The following CDH13 variants were observed in gnomAD, a reference collection of about 807,000 sequenced individuals.
CDH13 encodes cadherin 13.
A neutral mutation model predicts 63.8 loss-of-function variants in CDH13; 24 were observed. The ratio of observed to expected loss-of-function variants is 0.38; its 90% CI spans 0.27 to 0.53. The LOEUF (loss-of-function observed/expected upper bound fraction) is 0.53. Ranked by LOEUF, CDH13 falls within the 20% of genes least tolerant of loss-of-function variation. The probability of loss-of-function intolerance (pLI) is 0.85; values close to 1 mark genes in which losing one functional copy is unlikely to be tolerated. For missense variants in CDH13, 1,049 were observed against 903.1 expected (o/e 1.16, Z -2.07); for synonymous variants, 503 against 355.3 (o/e 1.42, Z -4.67).
intron 5 of CDH13, among the ~76,000 whole-genome samples, chr16:83,260,978 A>G (rs1022469678): frequency 5.9e-5 from 9 of 151,890 alleles, no homozygotes; most frequent in African/African-American, 2.2e-4. Context: ...ACTGGTGGAG[A>G]TCTTTTTATG....
chr16:83,370,958 G>T (rs2091355683), intron 6 of CDH13, among the ~76,000 whole-genome samples: 1 of 152,120 alleles, frequency 6.6e-6, no homozygotes, highest in Admixed American at 6.5e-5. Context: ...AATCATTAGA[G>T]AAATGCAAAT....
intron 2 of CDH13, among the ~76,000 whole-genome samples, chr16:82,964,456 C>G (rs918697237): frequency 2.0e-5 from 3 of 152,194 alleles, no homozygotes; most frequent in Admixed American, 6.5e-5. Flanking sequence ...ATTAAACCTC[C>G]AGGGAGAAGT....
At chr16:82,857,143 A>G (rs985376711) in intron 1 of CDH13, among the ~76,000 whole-genome samples, 1 of 152,238 alleles carries the variant, frequency 6.6e-6, no homozygotes, top group African/African-American at 2.4e-5. Context: ...GGACACTTGA[A>G]CCTAGATTCA....
At chr16:83,129,564 C>G (rs2035958760) in intron 4 of CDH13, among the ~76,000 whole-genome samples, 1 of 152,170 alleles carries the variant, frequency 6.6e-6, no homozygotes, top group African/African-American at 2.4e-5. Context: ...AACACACTGT[C>G]AGCGTTACAC....
At chr16:83,227,658 G>C (rs575974882) in intron 5 of CDH13, among the ~76,000 whole-genome samples, 71 of 152,242 alleles carry the variant, frequency 4.7e-4, no homozygotes, top group African/African-American at 1.6e-3. Flanking sequence ...AAAACCCCCA[G>C]GTAAAAAGCA....
intron 6 of CDH13, among the ~76,000 whole-genome samples, chr16:83,420,246 A>T (rs10514573): frequency 6.6e-6 from 1 of 152,140 alleles, no homozygotes; most frequent in Non-Finnish European, 1.5e-5. Context: ...GTAATTAAAA[A>T]TATGACTGAG....
intron 10 of CDH13, chr16:83,710,041 C>A (rs1490968921): frequency 1.3e-5 from 2 of 152,220 alleles, no homozygotes; most frequent in African/African-American, 4.8e-5. Flanking sequence ...CCCCAGATGA[C>A]ATTTGTCAGT....
Position 83,578,168 on chromosome 16 carries a change from T to G in CDH13, c.961-24286T>G, listed in dbSNP as rs183695175. On this transcript the variant is annotated intron_variant, in intron 7 of 13. Coordinates refer to ENST00000567109, the MANE Select transcript of CDH13 (RefSeq NM_001257.5). ...TTCTTCTGCTCAGAGTATTATGAGT[T>G]TGTTTAAATGGTACCCGGGTGAAAA... is the stretch of plus-strand genomic sequence containing the variant. Among the ~76,000 whole-genome samples, 156 of 152,302 alleles carry G rather than the reference T, an allele frequency of 1.0e-3. 1 individual carries two copies. The highest frequency in any genetic ancestry group is 3.4e-3 in the African/African-American group (141 of 41,570).
intron 2 of CDH13, among the ~76,000 whole-genome samples, chr16:82,862,468 A>G (rs1029680936): frequency 6.6e-6 from 1 of 152,134 alleles, no homozygotes; most frequent in Admixed American, 6.5e-5. Context: ...CATACCCTTG[A>G]CCTCCAGCCT....
At chr16:83,184,089 AACACACACACACAC>A (rs10656475) in intron 4 of CDH13, among the ~76,000 whole-genome samples, 4 of 131,560 alleles carry the variant, frequency 3.0e-5, no homozygotes, top group African/African-American at 2.9e-5. Flanking sequence ...CTAGAGGTTA[AACACACACACACAC>A]ACACACACAC....
chr16:83,294,704 A>C (rs558966209), intron 5 of CDH13, among the ~76,000 whole-genome samples: 1 of 152,126 alleles, frequency 6.6e-6, no homozygotes, highest in African/African-American at 2.4e-5. Context: ...ACTGAAAACT[A>C]TAAAACACTG....
intron 1 of CDH13, among the ~76,000 whole-genome samples, chr16:82,650,329 G>A (rs1056425282): frequency 2.0e-5 from 3 of 152,176 alleles, no homozygotes; most frequent in African/African-American, 7.2e-5. Flanking sequence ...AGTGGCTGAG[G>A]AGCAAGGTAG....
intron 1 of CDH13, among the ~76,000 whole-genome samples, chr16:82,842,582 A>G (rs1429852522): frequency 6.6e-6 from 1 of 152,178 alleles, no homozygotes; most frequent in Non-Finnish European, 1.5e-5. Context: ...CTATGAGGTC[A>G]GAAGTCCCCA....
chr16:82,660,033 C>T (rs1241379957), intron 1 of CDH13, among the ~76,000 whole-genome samples: 1 of 152,080 alleles, frequency 6.6e-6, no homozygotes, highest in Non-Finnish European at 1.5e-5. Flanking sequence ...TGGAAATGAG[C>T]TAATTTGGAG....
At chr16:82,872,723 TC>T (rs1258216188) in intron 2 of CDH13, among the ~76,000 whole-genome samples, 1 of 152,202 alleles carries the variant, frequency 6.6e-6, no homozygotes, top group East Asian at 1.9e-4. Flanking sequence ...CCCAAGGACT[TC>T]TGCATTTGAC....
At chr16:82,989,934 A>G (rs1911446316) in intron 2 of CDH13, among the ~76,000 whole-genome samples, 1 of 142,996 alleles carries the variant, frequency 7.0e-6, no homozygotes, top group Non-Finnish European at 1.6e-5. Flanking sequence ...CAAATTTCTC[A>G]TCAGTCCCAT....
intron 10 of CDH13, among the ~76,000 whole-genome samples, chr16:83,702,127 C>A (rs1307569395): frequency 6.6e-6 from 1 of 152,138 alleles, no homozygotes; most frequent in African/African-American, 2.4e-5. Flanking sequence ...GTGCTAAGAA[C>A]CTTTCCTCAT....
chr16:83,321,152 G>T (rs1437377785), intron 5 of CDH13, among the ~76,000 whole-genome samples: 1 of 152,212 alleles, frequency 6.6e-6, no homozygotes, highest in Non-Finnish European at 1.5e-5. Flanking sequence ...AAACTAGTTT[G>T]TGCTAAGACT....
chr16:83,318,845 A>G (rs544133277), intron 5 of CDH13, among the ~76,000 whole-genome samples: 1 of 152,248 alleles, frequency 6.6e-6, no homozygotes, highest in East Asian at 1.9e-4. Flanking sequence ...CTGGGATTTT[A>G]TGGGCATAGT....
Sources: gnomAD v4.1 joint callset for allele counts (sites outside exome capture counted in the v4.1 genomes callset) on GRCh38, gnomAD v4.1.1 for gene constraint, MANE v1.5 for transcripts, NCBI Gene and HGNC (gene_info 2026-07-23, HGNC 2026-07-21) for gene names.